MYO7B: variants seen among roughly 807,000 people sequenced by gnomAD.
MYO7B encodes the protein unconventional myosin-VIIb.
Under a neutral mutation model 259.7 loss-of-function variants are expected in MYO7B, and 212 were observed. The ratio of observed to expected loss-of-function variants is 0.82; its 90% CI spans 0.73 to 0.91. The LOEUF (loss-of-function observed/expected upper bound fraction) is 0.91. Ranked by LOEUF, MYO7B falls within the 40% of genes least tolerant of loss-of-function variation. The pLI is 0.00. For synonymous variants in MYO7B, 1,197 were observed against 1,166.4 expected (o/e 1.03, Z -0.54); for missense variants, 2,732 against 2,813.5 (o/e 0.97, Z 0.66).
At chr2:127,552,770 G>A (rs77252086) in intron 1 of MYO7B, among the ~76,000 whole-genome samples, 4,351 of 152,274 alleles carry the variant, frequency 0.029, 220 homozygotes, top group African/African-American at 0.099. Context: ...CAGAGGCAGG[G>A]CAATTCCCTC....
chr2:127,589,424 G>A (rs1005348026), intron 15 of MYO7B, among the ~76,000 whole-genome samples: 1 of 151,142 alleles, frequency 6.6e-6, no homozygotes, highest in Non-Finnish European at 1.5e-5. Flanking sequence ...GGGGTTTGGA[G>A]TGGGAATGGG....
intron 36 of MYO7B, 51 bp downstream of exon 36, chr2:127,630,959 C>T (rs1296260074): frequency 9.2e-6 from 14 of 1,519,900 alleles, no homozygotes; most frequent in Non-Finnish European, 1.2e-5. Flanking sequence ...CCCAGCCCCA[C>T]CTCACCTCAT....
In MYO7B at chr2:127,628,426, G is replaced by A. The variant is rs1385571996; in HGVS notation, c.4515G>A (p.Glu1505=). The part of the protein sequence containing the change: ...LLLSTMHEEY[E]FVSPSSVAIA... Reference sequence around the variant, plus strand: ...TCTCCACGATGCATGAGGAGTACGAGTTTGTGTCACCCAGCAGTGTGGCCA... The same window carrying A: ...TCTCCACGATGCATGAGGAGTACGAATTTGTGTCACCCAGCAGTGTGGCCA... The change falls in exon 34 of 48, where the codon GAG becomes GAA. Residue 1505 remains glutamate, a synonymous_variant. Transcript: ENST00000409816. The surrounding 1 kb of genome is among the most constrained non-coding windows in gnomAD (Gnocchi z 4.8). The A allele has an allele frequency of 2.5e-6, 4 of 1,597,678 alleles. No homozygotes were observed. The highest frequency in any genetic ancestry group is 1.7e-5 in the Admixed American group (1 of 57,898).
chr2:127,555,363 TTTG>T (rs995103586), intron 1 of MYO7B, among the ~76,000 whole-genome samples: 4 of 152,310 alleles, frequency 2.6e-5, no homozygotes, highest in Admixed American at 6.5e-5. Flanking sequence ...TTTGTGGGTT[TTTG>T]TTGTTGTTGT....
chr2:127,624,218 C>G lies in MYO7B; in HGVS notation c.3945C>G (p.Phe1315Leu), dbSNP rs1680991584. 6.3e-7 allele frequency: 1 copy of G among 1,597,974 alleles called. No homozygotes were observed. Among genetic ancestry groups the G allele is most frequent in the East Asian group, 2.3e-5 (1 of 44,024 alleles). The stretch of plus-strand genomic sequence containing the variant: ...GGCGCATCTACTTCCGGAAGGAATT[C>G]TTCACCCCCTGGCACGACTCCCGGG... Reference protein sequence around the residue: ...SPWRIYFRKEFFTPWHDSRED... With the variant: ...SPWRIYFRKELFTPWHDSRED... Residue 1315 changes from phenylalanine to leucine, a missense_variant, in exon 30 of 48, where the codon TTC (phenylalanine) becomes TTG (leucine). Transcript: ENST00000409816.
Position 127,546,767 on chromosome 2 carries a change from T to TCCAA in MYO7B, c.-24+10939_-24+10940insACCA, listed in dbSNP as rs1693245114. On this transcript the variant is annotated intron_variant, in intron 1 of 47. Coordinates refer to ENST00000409816, the MANE Select transcript of MYO7B (RefSeq NM_001393586.1). The surrounding 1 kb of genome is among the most constrained non-coding windows in gnomAD (Gnocchi z 4.2). Reference sequence around the variant, plus strand: ...TCACCTGCTTTCCTGGGTAGGTCCATCCATCCATCCATCCATCCATCCATC... The same window carrying TCCAA: ...TCACCTGCTTTCCTGGGTAGGTCCATCCAACCATCCATCCATCCATCCATCCATC... 8.3e-6 allele frequency among the ~76,000 whole-genome samples: 1 copy of TCCAA among 120,338 alleles called. No homozygotes were observed. Among genetic ancestry groups the TCCAA allele is most frequent in the Non-Finnish European group, 1.9e-5 (1 of 51,690 alleles). The allele number at this position is 120,338 out of a possible 152,430, so 78.9% of individuals were successfully genotyped here. A position where few individuals can be genotyped will look rare whatever the true frequency, so the allele number is the denominator to read the frequency against.
At chr2:127,581,391 G>A (rs1679093084) in intron 10 of MYO7B, among the ~76,000 whole-genome samples, 1 of 152,194 alleles carries the variant, frequency 6.6e-6, no homozygotes, top group African/African-American at 2.4e-5. Context: ...TGACAGTTCT[G>A]GTGGAAAATT....
chr2:127,565,534 G>T (rs1016911280), intron 4 of MYO7B, 149 bp downstream of exon 4: 1 of 1,114,032 alleles, frequency 9.0e-7, no homozygotes, highest in Non-Finnish European at 1.3e-6. Flanking sequence ...CCCAATCTCT[G>T]CTGCCCAGTC....
chr2:127,553,441 T>A (rs1438209863), intron 1 of MYO7B, among the ~76,000 whole-genome samples: 2 of 152,222 alleles, frequency 1.3e-5, no homozygotes. Context: ...CTCTCAGCAA[T>A]GTTTTATAGT....
chr2:127,590,141 A>G lies in MYO7B; in HGVS notation c.1904A>G (p.Gln635Arg). 6.2e-7 allele frequency: 1 copy of G among 1,609,440 alleles called. No individual in the cohort carries two copies. Reference sequence around the variant, plus strand: ...TCCACCTTAGGAAGCCAGTTCAAACAGTCTCTGGACCAGCTGATGAAAATC... The same window carrying G: ...TCCACCTTAGGAAGCCAGTTCAAACGGTCTCTGGACCAGCTGATGAAAATC... The part of the protein sequence containing the change: ...RPSTLGSQFK[Q>R]SLDQLMKILT... Residue 635 changes from glutamine to arginine, a missense_variant, in exon 16 of 48, where the codon CAG (glutamine) becomes CGG (arginine). Around this residue, in one of 3 missense-constraint regions of MYO7B, gnomAD observed 1,906 missense variants for 2,026.4 expected, o/e 0.94. Coordinates refer to ENST00000409816, the MANE Select transcript of MYO7B (RefSeq NM_001393586.1). The surrounding 1 kb of genome is among the most constrained non-coding windows in gnomAD (Gnocchi z 4.6).
At chr2:127,550,203 G>T (rs1289567459) in intron 1 of MYO7B, among the ~76,000 whole-genome samples, 1 of 152,092 alleles carries the variant, frequency 6.6e-6, no homozygotes. Flanking sequence ...TTCCCCATAA[G>T]GATATAGGAG....
rs1300592748 is a variant in MYO7B, at chr2:127,611,772, C to T, written c.3193-478C>T. Among the ~76,000 whole-genome samples the T allele has an allele frequency of 6.6e-6, 1 of 152,196 alleles. No homozygotes were observed. Among genetic ancestry groups the T allele is most frequent in the Admixed American group, 6.5e-5 (1 of 15,280 alleles). ...TAGTGGCTGCAGCCAGTCCCTCCCT[C>T]CTACCTGGCCTCTCAACCCCGGCTC... On this transcript the variant is annotated intron_variant, in intron 24 of 47. Transcript: ENST00000409816. The surrounding 1 kb of genome is among the most constrained non-coding windows in gnomAD (Gnocchi z 5.4).
intron 31 of MYO7B, chr2:127,626,110 T>G (rs1483159220): frequency 1.3e-5 from 2 of 152,290 alleles, no homozygotes; most frequent in African/African-American, 4.8e-5. Flanking sequence ...GGTTGGATAT[T>G]ATAGTCGGTG....
At chr2:127,591,140 G>A (rs1276048706) in intron 16 of MYO7B, among the ~76,000 whole-genome samples, 1 of 152,234 alleles carries the variant, frequency 6.6e-6, no homozygotes, top group Non-Finnish European at 1.5e-5. Context: ...AGTGAACTAT[G>A]ATCACACCAC....
intron 1 of MYO7B, among the ~76,000 whole-genome samples, chr2:127,543,196 G>C (rs2104795622): frequency 6.6e-6 from 1 of 152,290 alleles, no homozygotes; most frequent in Non-Finnish European, 1.5e-5. Flanking sequence ...ATCACATGGG[G>C]AGAAATCTTG....
chr2:127,624,240 C>A lies in MYO7B; in HGVS notation c.3967C>A (p.Arg1323=). 1 of 1,596,512 alleles carries A rather than the reference C, an allele frequency of 6.3e-7. No homozygotes were observed. Among genetic ancestry groups the A allele is most frequent in the East Asian group, 2.3e-5 (1 of 43,914 alleles). The change falls in exon 30 of 48, where the codon CGG becomes AGG. Residue 1323 remains arginine (R), a synonymous_variant. Coordinates refer to ENST00000409816, the MANE Select transcript of MYO7B (RefSeq NM_001393586.1). ...KEFFTPWHDS[R]EDPVSTELIY... is the part of the protein sequence containing the mutation. ...ATTCTTCACCCCCTGGCACGACTCC[C>A]GGGAGGACCCTGTCAGCACCGAGCT... is the stretch of plus-strand genomic sequence containing the variant.
Position 127,630,785 on chromosome 2 carries a change from T to C in MYO7B, c.4814T>C (p.Leu1605Pro). ...GGCCTGTGCCCCCTTCAGAGCTTGC[T>C]TGCCATGTCACCAGAGAAGAGGAAG... is the stretch of plus-strand genomic sequence containing the variant. ...TKPSAQLLSL[L>P]AMSPEKRKLA... Residue 1605 changes from leucine to proline, a missense_variant, in exon 36 of 48, where the codon CTT becomes CCT. By Grantham distance (98) the Leu-to-Pro change is moderately conservative. Coordinates refer to ENST00000409816, the MANE Select transcript of MYO7B (RefSeq NM_001393586.1). 6.2e-7 allele frequency: 1 copy of C among 1,612,890 alleles called. No individual in the cohort carries two copies. Among genetic ancestry groups the C allele is most frequent in the Non-Finnish European group, 8.5e-7 (1 of 1,179,788 alleles).
intron 19 of MYO7B, among the ~76,000 whole-genome samples, chr2:127,598,660 A>C (rs1679853731): frequency 6.6e-6 from 1 of 152,194 alleles, no homozygotes; most frequent in Non-Finnish European, 1.5e-5. Flanking sequence ...CTTTTCGTCA[A>C]GATTTTCTTT....
At chr2:127,580,846 T>G in intron 10 of MYO7B, 24 bp downstream of exon 10, 1 of 1,604,838 alleles carries the variant, frequency 6.2e-7, no homozygotes, top group Non-Finnish European at 8.5e-7. Context: ...GCCCACAGCT[T>G]CCATTTTGGT....
Sources: allele counts gnomAD v4.1 joint callset (sites outside exome capture counted in the v4.1 genomes callset), GRCh38; gene constraint gnomAD v4.1.1; regional missense constraint gnomAD v4.1.1; non-coding constraint Gnocchi (gnomAD v3.1); transcripts MANE v1.5; gene names NCBI Gene and HGNC (gene_info 2026-07-23, HGNC 2026-07-21).